The following LMBRD1 variants were observed in gnomAD, a reference collection of about 807,000 sequenced individuals.
LMBRD1 encodes lysosomal cobalamin transport escort protein LMBD1.
In LMBRD1, 64 loss-of-function variants were observed where a neutral mutation model predicts 74.8. The observed-to-expected ratio is 0.86, with a 90% CI of 0.70 to 1.05. The LOEUF (loss-of-function observed/expected upper bound fraction) is 1.05, where lower values mean the gene tolerates loss of function less well. Ranked by LOEUF, LMBRD1 falls within the 50% of genes least tolerant of loss-of-function variation. The probability of loss-of-function intolerance (pLI) is 0.00; values close to 1 mark genes in which losing one functional copy is unlikely to be tolerated. For missense variants in LMBRD1, 652 were observed against 645.9 expected, an observed-to-expected ratio of 1.01 and a Z score of -0.10; for synonymous variants, 204 against 216.3, an observed-to-expected ratio of 0.94 and a Z score of 0.50.
chr6:69,705,246 G>C (rs1282407649), intron 9 of LMBRD1: 11 of 684,934 alleles, frequency 1.6e-5, no homozygotes, highest in Non-Finnish European at 2.7e-5. Flanking sequence ...CAGAAATGAA[G>C]TAAGACAGAA....
At chr6:69,734,832 G>A (rs1191212051) in intron 7 of LMBRD1, among the ~76,000 whole-genome samples, 1 of 152,136 alleles carries the variant, frequency 6.6e-6, no homozygotes, top group African/African-American at 2.4e-5. Flanking sequence ...TGAAATAAAT[G>A]TAAGCTCTAC....
intron 13 of LMBRD1, among the ~76,000 whole-genome samples, chr6:69,698,036 T>C (rs115583233): frequency 0.016 from 2,465 of 151,990 alleles, 54 homozygotes; most frequent in African/African-American, 0.056. Context: ...CCTAGTGAGG[T>C]AGGTGAAGGG....
At chr6:69,790,665 C>A (rs6924798) in intron 1 of LMBRD1, 193 bp from the exon 2 acceptor site, 2 of 601,710 alleles carry the variant, frequency 3.3e-6, no homozygotes, top group South Asian at 1.9e-5. Flanking sequence ...GAATGCAGTA[C>A]ATCACGTATG....
chr6:69,747,927 C>T (rs764954809), intron 5 of LMBRD1, among the ~76,000 whole-genome samples: 53 of 152,144 alleles, frequency 3.5e-4, no homozygotes, highest in Admixed American at 5.9e-4. Context: ...CCTAAATGCA[C>T]GCCTCATTCA....
intron 14 of LMBRD1, among the ~76,000 whole-genome samples, chr6:69,694,184 C>T (rs1007869966): frequency 1.3e-5 from 2 of 152,062 alleles, no homozygotes; most frequent in Non-Finnish European, 2.9e-5. Flanking sequence ...CCAGTAATAT[C>T]AGGGCATTTT....
intron 3 of LMBRD1, among the ~76,000 whole-genome samples, chr6:69,769,393 TCA>T (rs900187502): frequency 7.2e-5 from 11 of 152,314 alleles, no homozygotes; most frequent in African/African-American, 2.6e-4. Flanking sequence ...TCTCTATTTG[TCA>T]CACTTTATTT....
chr6:69,741,158 T>A (rs1179361111), intron 6 of LMBRD1, among the ~76,000 whole-genome samples: 1 of 152,180 alleles, frequency 6.6e-6, no homozygotes, highest in Non-Finnish European at 1.5e-5. Context: ...TATTATTTTA[T>A]ATTATCCTAA....
chr6:69,741,871 A>G lies in LMBRD1; in HGVS notation c.480T>C (p.Phe160=), dbSNP rs1767111488. The G allele has an allele frequency of 1.3e-6, 2 of 1,578,296 alleles. No homozygotes were observed. The highest frequency in any genetic ancestry group is 2.7e-5 in the African/African-American group (2 of 74,230). Residue 160 remains phenylalanine, a synonymous_variant, in exon 6 of 16, where the codon TTT becomes TTC. Coordinates refer to ENST00000649934, the MANE Select transcript of LMBRD1 (RefSeq NM_018368.4). ...ICALLLLVGA[F]VPLNVPNNKN... ...TGTTATTGGGAACATTCAATGGAAC[A>G]AAGGCACTACAAAAGAGAAAATAAT...
chr6:69,761,865 T>C (rs1765381880), intron 3 of LMBRD1, among the ~76,000 whole-genome samples: 1 of 152,232 alleles, frequency 6.6e-6, no homozygotes, highest in East Asian at 1.9e-4. Context: ...CTGGTCATTT[T>C]ATATGCATAG....
Position 69,796,802 on chromosome 6 carries a change from G to T in LMBRD1, c.69+11C>A. 1 of 1,612,782 alleles carries T rather than the reference G, an allele frequency of 6.2e-7. No homozygotes were observed. Among genetic ancestry groups the T allele is most frequent in the South Asian group, 1.1e-5 (1 of 90,946 alleles). On this transcript the variant is annotated intron_variant, in intron 1 of 15. Coordinates refer to ENST00000649934, the MANE Select transcript of LMBRD1 (RefSeq NM_018368.4). ...TCCAAACATGGGGAAAACTCCAAGC[G>T]CCTCCCCTACCAGTAGTAAGAGGCC...
At chr6:69,752,383 T>C in intron 3 of LMBRD1, 27 bp from the exon 4 acceptor site, 1 of 1,554,174 alleles carries the variant, frequency 6.4e-7, no homozygotes, top group South Asian at 1.1e-5. Flanking sequence ...TAAACCGAGC[T>C]TTACTAAATA....
chr6:69,762,794 C>A (rs1765398897), intron 3 of LMBRD1, among the ~76,000 whole-genome samples: 1 of 152,100 alleles, frequency 6.6e-6, no homozygotes, highest in African/African-American at 2.4e-5. Flanking sequence ...CTCTGCCATG[C>A]AAGGACGCAG....
At chr6:69,754,602 T>C (rs1432788716) in intron 3 of LMBRD1, among the ~76,000 whole-genome samples, 1 of 152,212 alleles carries the variant, frequency 6.6e-6, no homozygotes, top group Non-Finnish European at 1.5e-5. Flanking sequence ...TATGAGCAAC[T>C]AATAGTGACA....
At chr6:69,731,668 T>A (rs1766861281) in intron 7 of LMBRD1, among the ~76,000 whole-genome samples, 1 of 152,124 alleles carries the variant, frequency 6.6e-6, no homozygotes, top group African/African-American at 2.4e-5. Flanking sequence ...AAGTTTAAGA[T>A]AAGCTAAACT....
At position 69,676,529 on chromosome 6, in the gene LMBRD1, A is replaced by G; in HGVS notation, c.1430T>C (p.Val477Ala). Residue 477 changes from valine (V) to alanine (A), a missense_variant, in exon 15 of 16, where the codon GTT becomes GCT. Coordinates refer to ENST00000649934, the MANE Select transcript of LMBRD1 (RefSeq NM_018368.4). ...GTGAAGGAATAGGTATGTCCGGGTA[A>G]CAGTACACTGATCTGTGAAAGCAAA... ...DADAPEDQCT[V>A]TRTYLFLHKF... The G allele has an allele frequency of 6.2e-7, 1 of 1,612,422 alleles. No individual in the cohort carries two copies. Among genetic ancestry groups the G allele is most frequent in the Non-Finnish European group, 8.5e-7 (1 of 1,178,652 alleles).
chr6:69,696,109 AT>A (rs1439632729), intron 14 of LMBRD1, among the ~76,000 whole-genome samples: 1 of 151,978 alleles, frequency 6.6e-6, no homozygotes, highest in African/African-American at 2.4e-5. Context: ...CTCCCAGTGT[AT>A]TTTTTATCTC....
chr6:69,757,499 C>A (rs1765291027), intron 3 of LMBRD1, among the ~76,000 whole-genome samples: 3 of 152,174 alleles, frequency 2.0e-5, no homozygotes, highest in Admixed American at 2.0e-4. Flanking sequence ...AAGCTATCTT[C>A]TAATAATCTG....
chr6:69,706,860 A>C (rs1352051818), intron 9 of LMBRD1, among the ~76,000 whole-genome samples: 1 of 152,122 alleles, frequency 6.6e-6, no homozygotes, highest in Non-Finnish European at 1.5e-5. Context: ...TGCCAATGAC[A>C]CACCACCACA....
chr6:69,675,990 T>C lies in LMBRD1; in HGVS notation c.*168A>G. ...ATTATGGTAATTTAAAATGTTAATC[T>C]ATGATACAATGTTACTTCAGAAAAC... On this transcript the variant is annotated 3_prime_UTR_variant, in exon 16 of 16. Transcript: ENST00000649934. 1.6e-6 allele frequency: 1 copy of C among 622,420 alleles called. No individual in the cohort carries two copies. The highest frequency in any genetic ancestry group is 2.8e-6 in the Non-Finnish European group (1 of 351,230). The allele number at this position is 622,420 out of a possible 1,614,324, so 38.6% of individuals were successfully genotyped here. A position where few individuals can be genotyped will look rare whatever the true frequency, so the allele number is the denominator to read the frequency against.
Sources: allele counts gnomAD v4.1 joint callset (sites outside exome capture counted in the v4.1 genomes callset), GRCh38; gene constraint gnomAD v4.1.1; transcripts MANE v1.5; gene names NCBI Gene and HGNC (gene_info 2026-07-23, HGNC 2026-07-21).